Variants in RARB observed in about 807,000 individuals in gnomAD.
RARB encodes HBV-activated protein.
Under a neutral mutation model 51.9 loss-of-function variants are expected in RARB, and 17 were observed. The ratio of observed to expected loss-of-function variants is 0.33; its 90% CI spans 0.22 to 0.49. RARB has a LOEUF of 0.49. RARB is among the 20% of genes least tolerant of loss of function. The probability of loss-of-function intolerance (pLI) is 0.99; values close to 1 mark genes in which losing one functional copy is unlikely to be tolerated. For missense variants in RARB, 369 were observed against 550.8 expected (o/e 0.67, Z 3.30); for synonymous variants, 215 against 195.4 (o/e 1.10, Z -0.84).
At chr3:25,207,611 A>T (rs550269161) in intron 5 of RARB, among the ~76,000 whole-genome samples, 2 of 152,340 alleles carry the variant, frequency 1.3e-5, no homozygotes, top group African/African-American at 2.4e-5. Flanking sequence ...ATGTTTTATT[A>T]TACCAAATCA....
intron 3 of RARB, among the ~76,000 whole-genome samples, chr3:25,562,491 A>G (rs1329988470): frequency 6.6e-6 from 1 of 152,216 alleles, no homozygotes; most frequent in Non-Finnish European, 1.5e-5. Context: ...GTAATCATTG[A>G]GAATAGCCCA....
At chr3:25,485,102 T>C (rs1696398341) in intron 2 of RARB, among the ~76,000 whole-genome samples, 1 of 152,210 alleles carries the variant, frequency 6.6e-6, no homozygotes, top group Non-Finnish European at 1.5e-5. Context: ...TATTTTCTTT[T>C]ACTGTCAAAT....
At chr3:25,476,355 G>T (rs1329834009) in intron 2 of RARB, among the ~76,000 whole-genome samples, 1 of 152,072 alleles carries the variant, frequency 6.6e-6, no homozygotes, top group Admixed American at 6.6e-5. Flanking sequence ...TGGATAAAGG[G>T]TCCCCTCCCC....
Position 25,269,724 on chromosome 3 carries a change from G to T in RARB, c.178+95149G>T, listed in dbSNP as rs559760572. Among the ~76,000 whole-genome samples, 3 of 152,214 alleles carry T rather than the reference G, an allele frequency of 2.0e-5. No individual in the cohort carries two copies. The South Asian group carries it at 6.2e-4, about 32-fold the overall frequency. ...CTAATTTTAAGGGCTTTATGACTTT[G>T]CTGTTATATCCTAAAACATCTTTTT... On this transcript the variant is annotated intron_variant, in intron 5 of 11. Transcript: ENST00000383772.
chr3:25,215,556 G>A (rs1701813723), intron 5 of RARB, among the ~76,000 whole-genome samples: 1 of 152,200 alleles, frequency 6.6e-6, no homozygotes, highest in African/African-American at 2.4e-5. Flanking sequence ...TGTGGTTGAA[G>A]TGCAGCAGGA....
At chr3:25,572,733 C>G (rs1700755670) in intron 4 of RARB, among the ~76,000 whole-genome samples, 1 of 152,092 alleles carries the variant, frequency 6.6e-6, no homozygotes, top group Non-Finnish European at 1.5e-5. Context: ...AAAGAGGAGA[C>G]TTTTGATCCA....
intron 5 of RARB, among the ~76,000 whole-genome samples, chr3:25,584,306 CACAG>C (rs368712888): frequency 4.1e-4 from 62 of 152,254 alleles, no homozygotes; most frequent in African/African-American, 1.4e-3. Flanking sequence ...GGTGGGGGGA[CACAG>C]ACAGTAAGCA....
At chr3:25,064,943 C>T (rs1438282428) in intron 3 of RARB, among the ~76,000 whole-genome samples, 1 of 152,152 alleles carries the variant, frequency 6.6e-6, no homozygotes, top group Non-Finnish European at 1.5e-5. Flanking sequence ...CCTACACTAA[C>T]CCAGCTTATG....
intron 4 of RARB, among the ~76,000 whole-genome samples, chr3:25,162,737 T>A (rs897895617): frequency 6.6e-6 from 1 of 152,238 alleles, no homozygotes; most frequent in African/African-American, 2.4e-5. Context: ...TTCATCCATG[T>A]AATAGAACAA....
intron 3 of RARB, among the ~76,000 whole-genome samples, chr3:25,548,584 G>GT (rs1298170480): frequency 7.9e-6 from 1 of 126,344 alleles, no homozygotes; most frequent in Non-Finnish European, 1.6e-5. Flanking sequence ...TATAGAGGAT[G>GT]TTTTTTTCCT....
Position 25,428,849 on chromosome 3 carries a change from T to G in RARB, c.118T>G (p.Leu40Val). 6.2e-7 allele frequency: 1 copy of G among 1,614,040 alleles called. No individual in the cohort carries two copies. Among genetic ancestry groups the G allele is most frequent in the Non-Finnish European group, 8.5e-7 (1 of 1,179,948 alleles). ...EKALKACFSG[L>V]TQTEWQHRHT... ...AGCTCTCAAAGCATGCTTCAGTGGATTGACCCAAACCGAATGGCAGCATCG... is the reference window on the plus strand; with the variant it reads ...AGCTCTCAAAGCATGCTTCAGTGGAGTGACCCAAACCGAATGGCAGCATCG... The change falls in exon 1 of 8, where the codon TTG becomes GTG. Residue 40 changes from leucine (L) to valine (V), a missense_variant. Coordinates refer to ENST00000330688, the MANE Select transcript of RARB (RefSeq NM_000965.5).
intron 3 of RARB, among the ~76,000 whole-genome samples, chr3:25,553,699 T>C (rs544469483): frequency 9.9e-5 from 15 of 152,264 alleles, no homozygotes; most frequent in South Asian, 8.3e-4. Flanking sequence ...TTTGTATGGA[T>C]TGTCACTGGG....
At chr3:25,374,460 T>C (rs1416018334) in intron 5 of RARB, among the ~76,000 whole-genome samples, 1 of 152,180 alleles carries the variant, frequency 6.6e-6, no homozygotes. Flanking sequence ...TTTATTATCA[T>C]GCCTAGCTTG....
At chr3:24,954,242 T>C (rs1202336845) in intron 2 of RARB, among the ~76,000 whole-genome samples, 1 of 152,160 alleles carries the variant, frequency 6.6e-6, no homozygotes, top group Non-Finnish European at 1.5e-5. Flanking sequence ...TTTTATAAAA[T>C]GATGGTGAGG....
At position 25,356,408 on chromosome 3, in the gene RARB, T is replaced by C. The variant is rs189243852; in HGVS notation, c.179-104785T>C. Among the ~76,000 whole-genome samples, 252 of 152,296 alleles carry C rather than the reference T, an allele frequency of 1.7e-3. 4 individuals are homozygous for C. The highest frequency in any genetic ancestry group is 0.015 in the Admixed American group (222 of 15,282). ...TGTTTTGATAAAAGTCTATTTTTTA[T>C]AATAGTCTATTTCTAAAGGGAAATT... On this transcript the variant is annotated intron_variant, in intron 5 of 11. Coordinates refer to the RARB transcript ENST00000383772.
chr3:25,274,335 G>C (rs1703326748), intron 5 of RARB, among the ~76,000 whole-genome samples: 1 of 152,032 alleles, frequency 6.6e-6, no homozygotes. Flanking sequence ...GCAGCCACAC[G>C]CAACTAATGG....
chr3:24,859,968 CA>C lies in RARB; in HGVS notation c.-380+1225del, dbSNP rs796092011. ...CCATCTCAAAGGTTGGGAATAAAAA[CA>C]AAAAAAAATGGGTGGAAGGATGGAT... On this transcript the variant is annotated intron_variant, in intron 2 of 11. Transcript: ENST00000383772. 3.8e-3 allele frequency among the ~76,000 whole-genome samples: 574 copies of C among 150,088 alleles called. 3 individuals are homozygous for C. The highest frequency in any genetic ancestry group is 0.012 in the African/African-American group (510 of 41,030).
intron 5 of RARB, among the ~76,000 whole-genome samples, chr3:25,261,225 A>G (rs1246961426): frequency 6.6e-6 from 1 of 152,140 alleles, no homozygotes; most frequent in African/African-American, 2.4e-5. Flanking sequence ...GGTCATCATG[A>G]TCACCACCAT....
chr3:25,473,134 T>C (rs1445890069), intron 2 of RARB, among the ~76,000 whole-genome samples: 1 of 152,196 alleles, frequency 6.6e-6, no homozygotes, highest in Non-Finnish European at 1.5e-5. Flanking sequence ...CCTACCATAA[T>C]AGTTTCTTTG....
Sources: gnomAD v4.1 joint callset for allele counts (sites outside exome capture counted in the v4.1 genomes callset) on GRCh38, gnomAD v4.1.1 for gene constraint, MANE v1.5 for transcripts, NCBI Gene and HGNC (gene_info 2026-07-23, HGNC 2026-07-21) for gene names.